Variants in GSG1L observed in about 807,000 individuals in gnomAD.
The protein encoded by GSG1L is GSG1 like.
A neutral mutation model predicts 42.1 loss-of-function variants in GSG1L; 24 were observed. The ratio of observed to expected loss-of-function variants is 0.57; its 90% confidence interval spans 0.41 to 0.80. The LOEUF (loss-of-function observed/expected upper bound fraction) is 0.80, where lower values mean the gene tolerates loss of function less well. Among genes scored for constraint, GSG1L ranks in the 30% least tolerant of loss-of-function variants. GSG1L has a pLI of 0.00. For missense variants in GSG1L, 445 were observed against 472.2 expected (o/e 0.94, Z 0.53); for synonymous variants, 215 against 203.5 (o/e 1.06, Z -0.48).
chr16:27,861,201 C>G (rs1371681503), intron 3 of GSG1L, among the ~76,000 whole-genome samples: 1 of 152,050 alleles, frequency 6.6e-6, no homozygotes, highest in East Asian at 1.9e-4. Flanking sequence ...AACCCCGTCT[C>G]TATTAAAAAA....
chr16:28,005,191 G>A (rs1258992002), intron 1 of GSG1L, among the ~76,000 whole-genome samples: 2 of 152,078 alleles, frequency 1.3e-5, no homozygotes, highest in African/African-American at 2.4e-5. Flanking sequence ...TCAGCTCACC[G>A]CAACCTCCAC....
At chr16:28,046,467 C>T (rs995743274) in intron 1 of GSG1L, among the ~76,000 whole-genome samples, 7 of 151,136 alleles carry the variant, frequency 4.6e-5, no homozygotes, top group Middle Eastern at 3.4e-3. Flanking sequence ...GATTCTCCTG[C>T]CTCAGCCTCC....
intron 1 of GSG1L, among the ~76,000 whole-genome samples, chr16:27,980,015 T>G (rs887945990): frequency 6.6e-6 from 1 of 152,062 alleles, no homozygotes; most frequent in Admixed American, 6.6e-5. Flanking sequence ...TAGAGACACA[T>G]GTCACTCCTC....
chr16:27,957,894 G>C (rs1001481938), intron 2 of GSG1L, among the ~76,000 whole-genome samples: 2 of 152,132 alleles, frequency 1.3e-5, no homozygotes, highest in African/African-American at 4.8e-5. Context: ...GCAAGAGAGA[G>C]AGTGAGAAAG....
rs537416900 is a variant in GSG1L at position 28,027,198 on chromosome 16, A to T, written c.349+35878T>A. Among the ~76,000 whole-genome samples, 6 of 152,324 alleles carry T rather than the reference A, an allele frequency of 3.9e-5. No individual in the cohort carries two copies. The South Asian group carries it at 1.2e-3, about 32-fold the overall frequency. On this transcript the variant is annotated intron_variant, in intron 1 of 6. Coordinates refer to ENST00000447459, the MANE Select transcript of GSG1L (RefSeq NM_001109763.2). ...CTCCCCTATTCTGGAAACATATGCC[A>T]TGTGCTCTGGGCAGGCCTAACCATC...
chr16:27,796,163 A>T (rs1372893734), intron 6 of GSG1L, among the ~76,000 whole-genome samples: 1 of 152,150 alleles, frequency 6.6e-6, no homozygotes, highest in Non-Finnish European at 1.5e-5. Flanking sequence ...TTTACAGGGA[A>T]GTTCCTTCCG....
chr16:27,936,238 G>A (rs2084716071), intron 2 of GSG1L, among the ~76,000 whole-genome samples: 1 of 152,086 alleles, frequency 6.6e-6, no homozygotes, highest in South Asian at 2.1e-4. Flanking sequence ...TAAGGTCACT[G>A]GGTGCTATAG....
chr16:28,035,389 T>C (rs2086021707), intron 1 of GSG1L, among the ~76,000 whole-genome samples: 1 of 152,144 alleles, frequency 6.6e-6, no homozygotes, highest in African/African-American at 2.4e-5. Flanking sequence ...TAGGTGAGGA[T>C]CTTTCTTTCA....
At chr16:27,888,493 T>C (rs1221994954) in intron 2 of GSG1L, among the ~76,000 whole-genome samples, 122 of 6,490 alleles carry the variant, frequency 0.019, 10 homozygotes, top group Admixed American at 0.031. Context: ...CTTTCTTTCT[T>C]TCTTTCTTTC....
chr16:28,060,945 C>G (rs897933904), intron 1 of GSG1L, among the ~76,000 whole-genome samples: 2 of 152,214 alleles, frequency 1.3e-5, no homozygotes, highest in African/African-American at 2.4e-5. Context: ...GTAGCAAGTA[C>G]TGGGACCGTG....
chr16:27,965,660 G>T (rs1054372013), intron 1 of GSG1L, among the ~76,000 whole-genome samples: 4 of 152,186 alleles, frequency 2.6e-5, no homozygotes, highest in African/African-American at 9.7e-5. Context: ...AAACCCTGCT[G>T]CCATCTTTAT....
intron 2 of GSG1L, among the ~76,000 whole-genome samples, chr16:27,887,642 T>C (rs904721108): frequency 4.6e-5 from 7 of 152,176 alleles, no homozygotes; most frequent in Admixed American, 1.3e-4. Context: ...GAAATACTAT[T>C]TATCAAATAA....
chr16:27,909,381 C>CTTTTTTT (rs34041209), intron 2 of GSG1L, among the ~76,000 whole-genome samples: 8 of 117,806 alleles, frequency 6.8e-5, no homozygotes, highest in Admixed American at 9.3e-5. Flanking sequence ...TCTTCTTTTT[C>CTTTTTTT]TTTTTTTTTT....
intron 2 of GSG1L, among the ~76,000 whole-genome samples, chr16:27,924,497 G>C (rs976633196): frequency 6.6e-6 from 1 of 151,776 alleles, no homozygotes; most frequent in Admixed American, 6.6e-5. Context: ...GTTTTTTTTG[G>C]CATAAATAAT....
chr16:27,932,160 C>A (rs2084664013), intron 2 of GSG1L, among the ~76,000 whole-genome samples: 1 of 152,210 alleles, frequency 6.6e-6, no homozygotes, highest in African/African-American at 2.4e-5. Context: ...TCAAGTAATT[C>A]TCATACCTCG....
intron 1 of GSG1L, among the ~76,000 whole-genome samples, chr16:27,971,895 A>T (rs958640289): frequency 1.3e-5 from 2 of 152,156 alleles, no homozygotes; most frequent in African/African-American, 4.8e-5. Context: ...ACAAACTTCA[A>T]TGAGAATCTC....
intron 1 of GSG1L, among the ~76,000 whole-genome samples, chr16:27,992,558 C>A (rs1249202231): frequency 5.3e-5 from 8 of 152,008 alleles, no homozygotes; most frequent in Admixed American, 5.2e-4. Context: ...TCTCAGCCAC[C>A]AGACATACCA....
intron 5 of GSG1L, among the ~76,000 whole-genome samples, chr16:27,816,539 G>A (rs1445102838): frequency 2.6e-5 from 4 of 152,220 alleles, no homozygotes; most frequent in African/African-American, 9.6e-5. Context: ...TGGGAAAGGT[G>A]AAGCGAAGAC....
chr16:27,999,436 A>G (rs1002199907), intron 1 of GSG1L, among the ~76,000 whole-genome samples: 1 of 152,124 alleles, frequency 6.6e-6, no homozygotes, highest in African/African-American at 2.4e-5. Context: ...AGAATGACCA[A>G]ATTCTTTCTA....
Sources: allele counts gnomAD v4.1 joint callset (sites outside exome capture counted in the v4.1 genomes callset), GRCh38; gene constraint gnomAD v4.1.1; transcripts MANE v1.5; gene names NCBI Gene and HGNC (gene_info 2026-07-23, HGNC 2026-07-21).